The following TBCD variants were observed in gnomAD, a reference collection of about 807,000 sequenced individuals.
The protein encoded by TBCD is tubulin folding cofactor D.
In TBCD, 105 loss-of-function variants were observed where a neutral mutation model predicts 169.3. The observed-to-expected ratio is 0.62, with a 90% CI of 0.53 to 0.73. The LOEUF (loss-of-function observed/expected upper bound fraction) is 0.73, where lower values mean the gene tolerates loss of function less well. Among genes scored for constraint, TBCD ranks in the 30% least tolerant of loss-of-function variants. The pLI, the probability that TBCD is intolerant of heterozygous loss-of-function variation, is 0.00. For missense variants in TBCD, 1,444 were observed against 1,600.1 expected (o/e 0.90, Z 1.66); for synonymous variants, 700 against 643.9 (o/e 1.09, Z -1.32).
At position 82,890,102 on chromosome 17, in the gene TBCD, C is replaced by T. The variant is rs758062435; in HGVS notation, c.1563+405C>T. Among the ~76,000 whole-genome samples the T allele has an allele frequency of 1.2e-4, 19 of 152,234 alleles. No homozygotes were observed. Among genetic ancestry groups the T allele is most frequent in the Non-Finnish European group, 2.6e-4 (18 of 68,042 alleles). On this transcript the variant is annotated intron_variant, in intron 16 of 38. Transcript: ENST00000355528. This position sits in a 1 kb window ranked among gnomAD's most constrained non-coding sequence, Gnocchi z 5.3. ...GACCATAGACGGGCCCAGAAGTCAG[C>T]TCCCAGAAGCTACGGACCCCATGAC...
chr17:82,929,631 GT>G (rs1568076015), intron 32 of TBCD, 131 bp downstream of exon 32: 2 of 1,318,962 alleles, frequency 1.5e-6, no homozygotes, highest in Admixed American at 2.0e-5. Context: ...GGCATATTTG[GT>G]TAGGGGGTCA....
At chr17:82,800,412 G>A (rs189559919) in intron 8 of TBCD, among the ~76,000 whole-genome samples, 4 of 152,162 alleles carry the variant, frequency 2.6e-5, no homozygotes, top group Middle Eastern at 3.4e-3. Flanking sequence ...CAGGAACCCC[G>A]TGGCCTGTGT....
At chr17:82,896,244 C>T (rs139216186) in intron 17 of TBCD, among the ~76,000 whole-genome samples, 7 of 152,246 alleles carry the variant, frequency 4.6e-5, no homozygotes, top group East Asian at 1.9e-4. Context: ...GCAGACTGTC[C>T]GCCTGTGGGG....
At chr17:82,929,701 T>C in intron 32 of TBCD, 1 of 746,304 alleles carries the variant, frequency 1.3e-6, no homozygotes, top group Non-Finnish European at 2.3e-6. Context: ...TGGTTGAGTC[T>C]GATGAAGGTG....
chr17:82,942,608 C>A lies in TBCD; in HGVS notation c.*145C>A. The A allele has an allele frequency of 9.4e-7, 1 of 1,061,680 alleles. No individual in the cohort carries two copies. The highest frequency in any genetic ancestry group is 1.4e-6 in the Non-Finnish European group (1 of 707,238). The allele number at this position is 1,061,680 out of a possible 1,614,324, so 65.8% of individuals were successfully genotyped here. ...CTTGGAGGCTGGCACTAGCTGACAG[C>A]TTTTCCTCTCTGCACCTGCGCTCTG... On this transcript the variant is annotated 3_prime_UTR_variant, in exon 39 of 39. Coordinates refer to ENST00000355528, the MANE Select transcript of TBCD (RefSeq NM_005993.5).
In TBCD at chr17:82,923,650, A is replaced by T; in HGVS notation, c.2179-2A>T. On this transcript the variant is annotated splice_acceptor_variant, in intron 25 of 38. Coordinates refer to ENST00000355528, the MANE Select transcript of TBCD (RefSeq NM_005993.5). LOFTEE classifies it high-confidence loss of function. This position sits in a 1 kb window ranked among gnomAD's most constrained non-coding sequence, Gnocchi z 4.6. Reference sequence around the variant, plus strand: ...GCGCTCACCGTGCTGCCTTTGTTTTAGGATGCAGCAGTCTCGGCCCTGGCT... The same window carrying T: ...GCGCTCACCGTGCTGCCTTTGTTTTTGGATGCAGCAGTCTCGGCCCTGGCT... 1 of 1,570,380 alleles carries T rather than the reference A, an allele frequency of 6.4e-7. No individual in the cohort carries two copies. Among genetic ancestry groups the T allele is most frequent in the Non-Finnish European group, 8.6e-7 (1 of 1,157,034 alleles).
rs2053712400 is a variant in TBCD at position 82,833,723 on chromosome 17, T to C, written c.1318+18789T>C. 6.6e-6 allele frequency among the ~76,000 whole-genome samples: 1 copy of C among 152,154 alleles called. No individual in the cohort carries two copies. The highest frequency in any genetic ancestry group is 6.5e-5 in the Admixed American group (1 of 15,278). ...GAGTGAGTAGTATCCGCTTTAGAGA[T>C]GGTTGGGTCATGGGAGGAAGCTGTC... is the stretch of plus-strand genomic sequence containing the variant. On this transcript the variant is annotated intron_variant, in intron 13 of 38. Coordinates refer to ENST00000355528, the MANE Select transcript of TBCD (RefSeq NM_005993.5). The surrounding 1 kb of genome is among the most constrained non-coding windows in gnomAD (Gnocchi z 4.7).
At chr17:82,856,743 GACCCTC>G (rs2056319208) in intron 13 of TBCD, among the ~76,000 whole-genome samples, 2 of 148,500 alleles carry the variant, frequency 1.3e-5, no homozygotes, top group African/African-American at 2.6e-5. Flanking sequence ...ACCGCGTGCG[GACCCTC>G]GCTGCGCATC....
At position 82,831,468 on chromosome 17, in the gene TBCD, G is replaced by A; in HGVS notation, c.1318+16534G>A. 6.2e-7 allele frequency: 1 copy of A among 1,614,206 alleles called. No homozygotes were observed. Among genetic ancestry groups the A allele is most frequent in the African/African-American group, 1.3e-5 (1 of 75,050 alleles). Reference sequence around the variant, plus strand: ...CAGGTGGGAGTCTGAGACCATAGGAGGAAAATGCAGACTCTGGCCTGTAAA... The same window carrying A: ...CAGGTGGGAGTCTGAGACCATAGGAAGAAAATGCAGACTCTGGCCTGTAAA... On this transcript the variant is annotated intron_variant, in intron 13 of 38. Coordinates refer to ENST00000355528, the MANE Select transcript of TBCD (RefSeq NM_005993.5). This position sits in a 1 kb window ranked among gnomAD's most constrained non-coding sequence, Gnocchi z 4.6.
At chr17:82,878,814 C>T (rs1433338181) in intron 14 of TBCD, among the ~76,000 whole-genome samples, 1 of 152,204 alleles carries the variant, frequency 6.6e-6, no homozygotes, top group African/African-American at 2.4e-5. Context: ...CCCACCCCGA[C>T]GTTCAGTGAT....
In TBCD at chr17:82,864,856, G is replaced by C. The variant is rs1411199365; in HGVS notation, c.1319-5368G>C. On this transcript the variant is annotated intron_variant, in intron 13 of 38. Coordinates refer to ENST00000355528, the MANE Select transcript of TBCD (RefSeq NM_005993.5). The surrounding 1 kb of genome is among the most constrained non-coding windows in gnomAD (Gnocchi z 6.3). Reference sequence around the variant, plus strand: ...GACAGCGGGGGCCTGCTCACTCCCCGGGGCACCGTGGGGACAGCGGGGGCC... The same window carrying C: ...GACAGCGGGGGCCTGCTCACTCCCCCGGGCACCGTGGGGACAGCGGGGGCC... Among the ~76,000 whole-genome samples the C allele has an allele frequency of 2.3e-5, 1 of 43,936 alleles. No individual in the cohort carries two copies. Among genetic ancestry groups the C allele is most frequent in the African/African-American group, 7.8e-5 (1 of 12,848 alleles). The allele number at this position is 43,936 out of a possible 152,430, so 28.8% of individuals were successfully genotyped here.
chr17:82,931,476 C>T (rs528978223), intron 33 of TBCD, among the ~76,000 whole-genome samples: 10 of 152,250 alleles, frequency 6.6e-5, no homozygotes, highest in African/African-American at 2.2e-4. Flanking sequence ...CGCTGGGCCG[C>T]GTGCCGGTCG....
rs2056670769 is a variant in TBCD, at chr17:82,860,537, A to G, written c.1319-9687A>G. On this transcript the variant is annotated intron_variant, in intron 13 of 38. Coordinates refer to ENST00000355528, the MANE Select transcript of TBCD (RefSeq NM_005993.5). The stretch of plus-strand genomic sequence containing the variant: ...CAATTACTTGGGATTGCTTGAAAAG[A>G]AAGTTCTAGCTTAGAACAGGAACCT... 3 of 797,708 alleles carry G rather than the reference A, an allele frequency of 3.8e-6. No homozygotes were observed. In the South Asian group the frequency reaches 1.7e-4, roughly 46 times the overall value. The allele number at this position is 797,708 out of a possible 1,614,324, so 49.4% of individuals were successfully genotyped here.
At chr17:82,823,382 G>A (rs2052570816) in intron 13 of TBCD, among the ~76,000 whole-genome samples, 1 of 152,218 alleles carries the variant, frequency 6.6e-6, no homozygotes, top group African/African-American at 2.4e-5. Context: ...TTTAATCTTG[G>A]TAGGCTTTTA....
chr17:82,785,839 C>T (rs1344845431), intron 7 of TBCD, among the ~76,000 whole-genome samples: 8 of 139,950 alleles, frequency 5.7e-5, no homozygotes, highest in African/African-American at 2.1e-4. Flanking sequence ...CTGGACCCGA[C>T]CCATCGCAGC....
chr17:82,829,896 C>A, intron 13 of TBCD: 1 of 580,206 alleles, frequency 1.7e-6, no homozygotes, highest in Non-Finnish European at 3.0e-6. Context: ...CTTGAAAATA[C>A]ATATCAGTCT....
At chr17:82,914,241 T>G (rs1010705842) in intron 23 of TBCD, 1 of 152,344 alleles carries the variant, frequency 6.6e-6, no homozygotes, top group Non-Finnish European at 1.5e-5. Context: ...GGTGCTCTGC[T>G]CTGAAGGATG....
intron 16 of TBCD, chr17:82,892,946 A>G (rs1202056674): frequency 6.6e-6 from 1 of 152,190 alleles, no homozygotes; most frequent in African/African-American, 2.4e-5. Context: ...CCCATGTCAG[A>G]GCCTCGGCGG....
chr17:82,858,734 G>A (rs2056518400), intron 13 of TBCD: 10 of 852,790 alleles, frequency 1.2e-5, no homozygotes, highest in Non-Finnish European at 1.4e-5. Context: ...ATGGAAAATC[G>A]ACTGAGTGTG....
Sources: allele counts gnomAD v4.1 joint callset (sites outside exome capture counted in the v4.1 genomes callset), GRCh38; gene constraint gnomAD v4.1.1; non-coding constraint Gnocchi (gnomAD v3.1); transcripts MANE v1.5; gene names NCBI Gene and HGNC (gene_info 2026-07-23, HGNC 2026-07-21).